Variants in TRMT9B observed in about 807,000 individuals in gnomAD.
TRMT9B encodes the protein tRNA methyltransferase 9B (putative), also known as probable tRNA methyltransferase 9B.
In TRMT9B, 16 loss-of-function variants were observed where a neutral mutation model predicts 11.5. The observed-to-expected ratio is 1.39, with a 90% CI of 0.94 to 2.11. The LOEUF is 2.11. Among genes scored for constraint, TRMT9B ranks in the 30% most tolerant of loss-of-function variants. The pLI is 0.00. For synonymous variants in TRMT9B, 274 were observed against 192.4 expected (o/e 1.42, Z -3.51); for missense variants, 941 against 553.8 (o/e 1.70, Z -7.02).
At position 13,011,932 on chromosome 8, in the gene TRMT9B, G is replaced by T. The variant is rs546268158; in HGVS notation, c.155-752G>T. The stretch of plus-strand genomic sequence containing the variant: ...AATAATAGAAAAGTTGTTGACAGTT[G>T]TTTGTTTTGCAGTCAGCAAGTGGTA... On this transcript the variant is annotated intron_variant, in intron 3 of 4. Transcript: ENST00000524591. 8.1e-6 allele frequency: 8 copies of T among 985,316 alleles called. No individual in the cohort carries two copies. The East Asian group carries it at 9.1e-4, about 112-fold the overall frequency. 61.0% of individuals were successfully genotyped at this position (985,316 alleles called of 1,614,324 possible).
At chr8:12,977,151 G>T (rs117881351) in intron 1 of TRMT9B, among the ~76,000 whole-genome samples, 1 of 152,202 alleles carries the variant, frequency 6.6e-6, no homozygotes, top group African/African-American at 2.4e-5. Flanking sequence ...CAGGTTGGAA[G>T]GTGACCCCAG....
rs531255356 is a variant in TRMT9B, at chr8:13,024,749, T to C, written c.*2705T>C. On this transcript the variant is annotated 3_prime_UTR_variant, in exon 5 of 5. Transcript: ENST00000524591. ...GTTTGACAGGGGTGTAAATAAAGCA[T>C]GCTGACTAATAAGTCTTTTACTCTT... 6.0e-6 allele frequency: 1 copy of C among 167,202 alleles called. No homozygotes were observed. Among genetic ancestry groups the C allele is most frequent in the Non-Finnish European group, 1.5e-5 (1 of 68,126 alleles). 10.4% of individuals were successfully genotyped at this position (167,202 alleles called of 1,614,324 possible). A position where few individuals can be genotyped will look rare whatever the true frequency, so the allele number is the denominator to read the frequency against.
At chr8:12,952,286 C>T (rs1481475416) in intron 1 of TRMT9B, 1 of 387,230 alleles carries the variant, frequency 2.6e-6, no homozygotes, top group Non-Finnish European at 5.4e-6. Context: ...CGGCGCCCGC[C>T]CGCAGGGAGG....
intron 2 of TRMT9B, among the ~76,000 whole-genome samples, chr8:12,993,648 G>C (rs1375590696): frequency 6.6e-6 from 1 of 152,196 alleles, no homozygotes; most frequent in Non-Finnish European, 1.5e-5. Context: ...GATCTTCTAG[G>C]CTGGCATTCC....
At chr8:12,957,998 G>T (rs893661593) in intron 1 of TRMT9B, among the ~76,000 whole-genome samples, 2 of 152,118 alleles carry the variant, frequency 1.3e-5, no homozygotes, top group South Asian at 4.2e-4. Flanking sequence ...ATCAATAAGG[G>T]ATTCCACTTA....
chr8:13,028,433 A>T lies in TRMT9B; in HGVS notation c.*6389A>T, dbSNP rs1814958011. 6.0e-6 allele frequency: 1 copy of T among 167,026 alleles called. No homozygotes were observed. 10.3% of individuals were successfully genotyped at this position (167,026 alleles called of 1,614,324 possible). On this transcript the variant is annotated 3_prime_UTR_variant, in exon 5 of 5. Coordinates refer to ENST00000524591, the MANE Select transcript of TRMT9B (RefSeq NM_020844.3). ...GAATATTGATTTTTCTATGAATATT[A>T]CCTCCACATTGAAAAACGAGTGAGT... is the stretch of plus-strand genomic sequence containing the variant.
intron 2 of TRMT9B, among the ~76,000 whole-genome samples, chr8:12,995,808 C>G (rs1216056403): frequency 2.0e-5 from 3 of 152,118 alleles, no homozygotes; most frequent in Admixed American, 6.5e-5. Context: ...AATATTATAA[C>G]ATTTTTCAGA....
intron 1 of TRMT9B, among the ~76,000 whole-genome samples, chr8:12,986,997 G>A (rs1394711782): frequency 6.6e-6 from 1 of 152,140 alleles, no homozygotes; most frequent in Non-Finnish European, 1.5e-5. Flanking sequence ...ATAATTCAGT[G>A]GTTCCCCATG....
rs771067321 is a variant in TRMT9B, at chr8:13,021,911, A to G, written c.1232A>G (p.Tyr411Cys). 8 of 1,613,676 alleles carry G rather than the reference A, an allele frequency of 5.0e-6. No individual in the cohort carries two copies. Among genetic ancestry groups the G allele is most frequent in the Non-Finnish European group, 6.8e-6 (8 of 1,179,888 alleles). Reference protein sequence around the residue: ...DVLDSTAFMRYYHVFREGELC... With the variant: ...DVLDSTAFMRCYHVFREGELC... ...TTGGACTCCACAGCCTTTATGCGCT[A>G]CTACCATGTGTTTCGAGAAGGGGAG... The change falls in exon 5 of 5, where the codon TAC becomes TGC. Residue 411 changes from tyrosine (Y) to cysteine (C), a missense_variant. Tyr to Cys is a radical substitution (Grantham distance 194). Transcript: ENST00000524591.
intron 2 of TRMT9B, among the ~76,000 whole-genome samples, chr8:12,998,127 T>C (rs1254235403): frequency 1.3e-5 from 2 of 152,260 alleles, no homozygotes; most frequent in Non-Finnish European, 1.5e-5. Context: ...GAATTGTTTA[T>C]ATTCTGGATA....
chr8:12,987,364 A>G (rs1414925878), intron 1 of TRMT9B, among the ~76,000 whole-genome samples: 1 of 152,226 alleles, frequency 6.6e-6, no homozygotes, highest in East Asian at 1.9e-4. Flanking sequence ...ACATCCCAAT[A>G]AACCCATTAT....
In TRMT9B at chr8:12,967,624, A is replaced by G. The variant is rs551604301; in HGVS notation, c.-200+21658A>G. On this transcript the variant is annotated intron_variant, in intron 1 of 4. Transcript: ENST00000524591. ...GCATCCTTTCTAATTAAAGCAGCTC[A>G]TTAACAATGGCAAAGCCTCCTGAGT... is the stretch of plus-strand genomic sequence containing the variant. Among the ~76,000 whole-genome samples, 59 of 152,356 alleles carry G rather than the reference A, an allele frequency of 3.9e-4. 2 individuals are homozygous for G. The East Asian group carries it at 9.3e-3, about 24-fold the overall frequency.
At chr8:13,012,996 A>G in intron 4 of TRMT9B, 139 bp downstream of exon 4, 1 of 1,108,812 alleles carries the variant, frequency 9.0e-7, no homozygotes, top group Non-Finnish European at 1.2e-6. Flanking sequence ...AATTGTTTCA[A>G]CTACTTGACT....
chr8:12,974,063 C>T (rs1364012337), intron 1 of TRMT9B, among the ~76,000 whole-genome samples: 2 of 152,006 alleles, frequency 1.3e-5, no homozygotes, highest in Non-Finnish European at 2.9e-5. Flanking sequence ...CCCAGCTACT[C>T]AGAAGGCTGA....
rs1813981729 is a variant in TRMT9B at position 13,021,807 on chromosome 8, GAGA to G, written c.1131_1133del (p.Arg378del). The G allele has an allele frequency of 6.2e-7, 1 of 1,613,646 alleles. No homozygotes were observed. Among genetic ancestry groups the G allele is most frequent in the Non-Finnish European group, 8.5e-7 (1 of 1,179,742 alleles). ...ATAATCCTTCTGCTAGTAAAATATTGAGAAGGATTTCTGCAGTTGATTCCACAG... is the reference window on the plus strand; with the variant it reads ...ATAATCCTTCTGCTAGTAAAATATTGAGGATTTCTGCAGTTGATTCCACAG... On this transcript the variant is annotated inframe_deletion, in exon 5 of 5. Transcript: ENST00000524591.
intron 3 of TRMT9B, among the ~76,000 whole-genome samples, chr8:13,007,858 T>A (rs2128891570): frequency 6.6e-6 from 1 of 152,188 alleles, no homozygotes; most frequent in Middle Eastern, 3.4e-3. Flanking sequence ...TATAAGAAAA[T>A]GAGCTCATTA....
At chr8:13,016,781 C>A in intron 4 of TRMT9B, among the ~76,000 whole-genome samples, 1 of 150,562 alleles carries the variant, frequency 6.6e-6, no homozygotes, top group Admixed American at 6.7e-5. Flanking sequence ...AGGACATGAG[C>A]AATGTCTGGA....
At chr8:12,964,424 T>C (rs953152241) in intron 1 of TRMT9B, among the ~76,000 whole-genome samples, 1 of 152,250 alleles carries the variant, frequency 6.6e-6, no homozygotes, top group Non-Finnish European at 1.5e-5. Flanking sequence ...CTTTGTCTTA[T>C]TTATTTTGTA....
intron 2 of TRMT9B, among the ~76,000 whole-genome samples, chr8:12,997,299 T>G (rs7841729): frequency 0.61 from 91,829 of 151,470 alleles, 29,077 homozygotes; most frequent in East Asian, 0.73. Context: ...GAGAGCTGGT[T>G]GTTTAAAGGA....
Sources: gnomAD v4.1 joint callset for allele counts (sites outside exome capture counted in the v4.1 genomes callset) on GRCh38, gnomAD v4.1.1 for gene constraint, MANE v1.5 for transcripts, NCBI Gene and HGNC (gene_info 2026-07-23, HGNC 2026-07-21) for gene names.